The following NRXN1 variants were observed in gnomAD, a reference collection of about 807,000 sequenced individuals.
The protein encoded by NRXN1 is neurexin-1.
A neutral mutation model predicts 150.9 loss-of-function variants in NRXN1; 39 were observed. The ratio of observed to expected loss-of-function variants is 0.26; its 90% CI spans 0.20 to 0.34. The LOEUF is 0.34. Among genes scored for constraint, NRXN1 ranks in the 10% least tolerant of loss-of-function variants. NRXN1 has a pLI of 1.00. For synonymous variants in NRXN1, 924 were observed against 757.0 expected, an observed-to-expected ratio of 1.22 and a Z score of -3.62; for missense variants, 1,815 against 1,949.9, an observed-to-expected ratio of 0.93 and a Z score of 1.30.
intron 21 of NRXN1, among the ~76,000 whole-genome samples, chr2:49,964,985 C>G (rs1367194786): frequency 4.6e-5 from 7 of 152,028 alleles, no homozygotes; most frequent in Non-Finnish European, 2.9e-5. Context: ...CTCCTGGGCT[C>G]AAGTGATTCT....
At chr2:50,540,978 A>G (rs1181548357) in intron 9 of NRXN1, among the ~76,000 whole-genome samples, 1 of 152,046 alleles carries the variant, frequency 6.6e-6, no homozygotes. Context: ...ACATGTTCTT[A>G]AATAAAAGAG....
intron 5 of NRXN1, among the ~76,000 whole-genome samples, chr2:50,893,558 TC>T (rs1202976577): frequency 7.2e-5 from 11 of 152,146 alleles, no homozygotes; most frequent in African/African-American, 2.2e-4. Context: ...ATTTGAGATG[TC>T]CCCATGTCAT....
chr2:50,605,155 C>G (rs1234240324), intron 8 of NRXN1, among the ~76,000 whole-genome samples: 1 of 152,176 alleles, frequency 6.6e-6, no homozygotes, highest in Non-Finnish European at 1.5e-5. Context: ...TTTATCTCTC[C>G]TCAACCATGT....
At chr2:50,889,239 CTCTT>C (rs1490699793) in intron 5 of NRXN1, among the ~76,000 whole-genome samples, 2 of 151,672 alleles carry the variant, frequency 1.3e-5, no homozygotes, top group African/African-American at 2.4e-5. Context: ...CAAATGTGCC[CTCTT>C]TCTTTCTGAC....
At position 49,919,612 on chromosome 2, in the gene NRXN1, A is replaced by G. The variant is rs1442992089; in HGVS notation, c.*2332T>C. 6.6e-6 allele frequency: 1 copy of G among 151,992 alleles called. No individual in the cohort carries two copies. The highest frequency in any genetic ancestry group is 1.5e-5 in the Non-Finnish European group (1 of 67,934). 9.4% of individuals were successfully genotyped at this position (151,992 alleles called of 1,614,324 possible). Reference sequence around the variant, plus strand: ...TTAGTAGTTTTACACTTCCCTTCTTATTTAACTGGCTTTCCCTGAGTAAGA... The same window carrying G: ...TTAGTAGTTTTACACTTCCCTTCTTGTTTAACTGGCTTTCCCTGAGTAAGA... On this transcript the variant is annotated 3_prime_UTR_variant, in exon 23 of 23. Coordinates refer to ENST00000401669, the MANE Select transcript of NRXN1 (RefSeq NM_001330078.2).
chr2:50,715,116 T>C (rs1695704742), intron 5 of NRXN1, among the ~76,000 whole-genome samples: 1 of 152,186 alleles, frequency 6.6e-6, no homozygotes, highest in African/African-American at 2.4e-5. Context: ...TAACTTCTTT[T>C]ACTCAAAGGG....
chr2:50,707,495 T>C (rs1457997021), intron 5 of NRXN1, among the ~76,000 whole-genome samples: 1 of 152,190 alleles, frequency 6.6e-6, no homozygotes. Flanking sequence ...GCAGACGTTA[T>C]CTTGTACTTT....
intron 18 of NRXN1, among the ~76,000 whole-genome samples, chr2:50,096,399 A>G (rs1367198676): frequency 6.6e-6 from 1 of 152,220 alleles, no homozygotes; most frequent in Non-Finnish European, 1.5e-5. Context: ...TAAATTATAT[A>G]AGCAATAAAA....
chr2:50,014,798 TC>T (rs1428991774), intron 21 of NRXN1, among the ~76,000 whole-genome samples: 1 of 151,998 alleles, frequency 6.6e-6, no homozygotes, highest in African/African-American at 2.4e-5. Flanking sequence ...GTCTATTACA[TC>T]CCCATAATCT....
chr2:50,265,016 A>G (rs568018758), intron 17 of NRXN1, among the ~76,000 whole-genome samples: 2 of 152,292 alleles, frequency 1.3e-5, no homozygotes, highest in Admixed American at 6.5e-5. Context: ...CATTAATTAC[A>G]TGTAGAAAGG....
intron 2 of NRXN1, chr2:51,026,506 G>T: frequency 7.4e-7 from 1 of 1,355,294 alleles, no homozygotes; most frequent in Non-Finnish European, 1.0e-6. Context: ...TATGACTTTT[G>T]TAGTTTAATG....
intron 10 of NRXN1, among the ~76,000 whole-genome samples, chr2:50,537,792 G>A (rs1011084050): frequency 4.6e-5 from 7 of 152,194 alleles, no homozygotes; most frequent in Admixed American, 3.9e-4. Context: ...AGTGAAATGA[G>A]CAGGCTAACT....
chr2:50,884,014 G>A (rs990133081), intron 5 of NRXN1, among the ~76,000 whole-genome samples: 1 of 151,732 alleles, frequency 6.6e-6, no homozygotes, highest in Non-Finnish European at 1.5e-5. Context: ...CTGAGTTTGT[G>A]AAAATTCATT....
intron 17 of NRXN1, 65 bp from the exon 18 acceptor site, chr2:50,237,035 T>C (rs753515232): frequency 1.4e-5 from 21 of 1,465,846 alleles, no homozygotes; most frequent in Non-Finnish European, 1.8e-5. Context: ...GCAAGGCATG[T>C]TATATTGATA....
chr2:50,471,979 T>C (rs975364702), intron 16 of NRXN1, among the ~76,000 whole-genome samples: 3 of 151,574 alleles, frequency 2.0e-5, no homozygotes, highest in African/African-American at 7.3e-5. Context: ...GCAAGCATCG[T>C]AGAACTGATT....
chr2:50,600,530 G>A (rs1175722450), intron 8 of NRXN1, among the ~76,000 whole-genome samples: 1 of 152,042 alleles, frequency 6.6e-6, no homozygotes, highest in Non-Finnish European at 1.5e-5. Flanking sequence ...TCACCATGTT[G>A]ACCAGGCTGG....
chr2:50,928,224 A>C (rs1480280293), intron 2 of NRXN1, among the ~76,000 whole-genome samples: 1 of 152,026 alleles, frequency 6.6e-6, no homozygotes, highest in African/African-American at 2.4e-5. Context: ...AGAAAAAAAA[A>C]ATCAAAGTAC....
chr2:50,132,161 ACAT>A (rs1354412085), intron 18 of NRXN1, among the ~76,000 whole-genome samples: 2 of 152,198 alleles, frequency 1.3e-5, no homozygotes, highest in Admixed American at 6.5e-5. Context: ...GGCAGCAGCA[ACAT>A]CATCATTTCA....
intron 21 of NRXN1, among the ~76,000 whole-genome samples, chr2:50,000,818 G>A (rs1683794806): frequency 6.6e-6 from 1 of 152,118 alleles, no homozygotes. Flanking sequence ...GCATAAAACT[G>A]GTGAGCAAGG....
Sources: gnomAD v4.1 joint callset for allele counts (sites outside exome capture counted in the v4.1 genomes callset) on GRCh38, gnomAD v4.1.1 for gene constraint, MANE v1.5 for transcripts, NCBI Gene and HGNC (gene_info 2026-07-23, HGNC 2026-07-21) for gene names.